Variants in ZFPM1 observed in about 807,000 individuals in gnomAD.
The protein encoded by ZFPM1 is zinc finger protein, FOG family member 1, also known as zinc finger protein ZFPM1.
In ZFPM1, 28 loss-of-function variants were observed where a neutral mutation model predicts 46.3. The ratio of observed to expected loss-of-function variants is 0.60; its 90% CI spans 0.45 to 0.83. ZFPM1 has a LOEUF of 0.83. ZFPM1 is among the 40% of genes least tolerant of loss of function. ZFPM1 has a pLI of 0.00. For synonymous variants in ZFPM1, 957 were observed against 675.9 expected (o/e 1.42, Z -6.45); for missense variants, 1,878 against 1,432.4 (o/e 1.31, Z -5.02).
chr16:88,519,766 T>G (rs1418373792), intron 4 of ZFPM1, among the ~76,000 whole-genome samples: 3 of 115,678 alleles, frequency 2.6e-5, no homozygotes, highest in Admixed American at 9.6e-5. Context: ...AGATGGATGG[T>G]GGGTGGATGG....
chr16:88,498,533 T>G (rs1342799289), intron 3 of ZFPM1, among the ~76,000 whole-genome samples: 1 of 152,200 alleles, frequency 6.6e-6, no homozygotes, highest in Non-Finnish European at 1.5e-5. Flanking sequence ...CTCCGGGATC[T>G]GCTCCTTGGT....
chr16:88,486,785 C>CT (rs1436455918), intron 2 of ZFPM1, among the ~76,000 whole-genome samples: 2 of 149,444 alleles, frequency 1.3e-5, no homozygotes, highest in Non-Finnish European at 3.0e-5. Flanking sequence ...CAAGTGGGTG[C>CT]TGGGTGCACA....
chr16:88,514,332 G>C, intron 3 of ZFPM1, 55 bp from the exon 4 acceptor site: 1 of 1,546,888 alleles, frequency 6.5e-7, no homozygotes, highest in Non-Finnish European at 8.7e-7. Context: ...AGCGGGAGGT[G>C]GGCTGGACAG....
rs1469510709 is a variant in ZFPM1, at chr16:88,528,146, C to A, written c.620C>A (p.Ala207Glu). The change falls in exon 6 of 10, where the codon GCA becomes GAA. Residue 207 changes from alanine to glutamate, a missense_variant. Coordinates refer to ENST00000319555, the MANE Select transcript of ZFPM1 (RefSeq NM_153813.3). ...GGCCACCCTGTGAAGAAGGAGCCAGCAGAGCCCACGTGCCCGGCCCCTGCA... is the reference window on the plus strand; with the variant it reads ...GGCCACCCTGTGAAGAAGGAGCCAGAAGAGCCCACGTGCCCGGCCCCTGCA... ...TPGHPVKKEP[A>E]EPTCPAPAHD... is the part of the protein sequence containing the mutation. 4 of 1,605,954 alleles carry A rather than the reference C, an allele frequency of 2.5e-6. No homozygotes were observed. The highest frequency in any genetic ancestry group is 3.4e-6 in the Non-Finnish European group (4 of 1,177,412).
intron 3 of ZFPM1, among the ~76,000 whole-genome samples, chr16:88,508,584 G>C (rs1274079912): frequency 6.6e-6 from 1 of 152,248 alleles, no homozygotes; most frequent in African/African-American, 2.4e-5. Flanking sequence ...GTGGCCTTCG[G>C]TGCCTGCCGT....
intron 1 of ZFPM1, among the ~76,000 whole-genome samples, chr16:88,454,238 G>C (rs1470163672): frequency 6.6e-6 from 1 of 152,152 alleles, no homozygotes; most frequent in Non-Finnish European, 1.5e-5. Flanking sequence ...ACCCCCACCG[G>C]TGCCGTCGCA....
chr16:88,528,675 C>T (rs1912541126), intron 6 of ZFPM1, among the ~76,000 whole-genome samples: 1 of 152,244 alleles, frequency 6.6e-6, no homozygotes, highest in Non-Finnish European at 1.5e-5. Context: ...GGCCCCGGCC[C>T]ACTAGGTGCT....
Position 88,533,233 on chromosome 16 carries a change from G to A in ZFPM1, c.1275G>A (p.Ser425=), listed in dbSNP as rs781107619. ...SADLGLAPTP[S]PGLDRKALAE... is the part of the protein sequence containing the mutation. ...ACCTGGGCCTGGCGCCCACCCCATC[G>A]CCAGGACTGGACAGAAAGGCCCTGG... The change falls in exon 10 of 10, where the codon TCG becomes TCA. Residue 425 remains serine (S), a synonymous_variant. Transcript: ENST00000319555. 4.9e-5 allele frequency: 77 copies of A among 1,561,750 alleles called. 1 individual carries two copies. In the South Asian group the frequency reaches 6.9e-4, roughly 14 times the overall value.
At chr16:88,463,416 G>A (rs973690601) in intron 1 of ZFPM1, among the ~76,000 whole-genome samples, 5 of 152,212 alleles carry the variant, frequency 3.3e-5, no homozygotes, top group African/African-American at 9.7e-5. Context: ...GCCCTCCCCC[G>A]GATGTGACCC....
chr16:88,453,031 C>A (rs925394577), upstream of ZFPM1, among the ~76,000 whole-genome samples: 1 of 145,608 alleles, frequency 6.9e-6, no homozygotes, highest in East Asian at 2.1e-4. Context: ...CGGACAGGGG[C>A]GGGGCCGCAG....
intron 3 of ZFPM1, among the ~76,000 whole-genome samples, chr16:88,498,310 G>A (rs937978970): frequency 3.3e-5 from 5 of 152,202 alleles, no homozygotes; most frequent in East Asian, 1.9e-4. Flanking sequence ...CCCCTTCCCC[G>A]GAGGTTTGCT....
chr16:88,534,996 C>T lies in ZFPM1; in HGVS notation c.*17C>T. The T allele has an allele frequency of 1.4e-6, 2 of 1,385,212 alleles. No individual in the cohort carries two copies. The highest frequency in any genetic ancestry group is 1.9e-6 in the Non-Finnish European group (2 of 1,056,676). 85.8% of individuals were successfully genotyped at this position (1,385,212 alleles called of 1,614,324 possible). ...GTGAAGTGAGCGCCCACACTACAGCCGCAGACGCTTTGCACGCCCCGCTGC... is the reference window on the plus strand; with the variant it reads ...GTGAAGTGAGCGCCCACACTACAGCTGCAGACGCTTTGCACGCCCCGCTGC... On this transcript the variant is annotated 3_prime_UTR_variant, in exon 10 of 10. Coordinates refer to ENST00000319555, the MANE Select transcript of ZFPM1 (RefSeq NM_153813.3).
At chr16:88,510,522 T>TC (rs1910897321) in intron 3 of ZFPM1, among the ~76,000 whole-genome samples, 1 of 152,256 alleles carries the variant, frequency 6.6e-6, no homozygotes, top group African/African-American at 2.4e-5. Context: ...TGAAATTGAA[T>TC]CCCAGCACAG....
At chr16:88,525,071 A>C (rs770987458) in intron 4 of ZFPM1, among the ~76,000 whole-genome samples, 1 of 152,240 alleles carries the variant, frequency 6.6e-6, no homozygotes, top group African/African-American at 2.4e-5. Flanking sequence ...GTAGTCACTG[A>C]ACGTCCCAGC....
At chr16:88,499,478 G>A (rs1050221528) in intron 3 of ZFPM1, among the ~76,000 whole-genome samples, 8 of 152,204 alleles carry the variant, frequency 5.3e-5, no homozygotes, top group Non-Finnish European at 7.3e-5. Context: ...GGGTGGGGCC[G>A]GCCCAGCTGA....
At chr16:88,452,080 G>A (rs138920391), upstream of ZFPM1, among the ~76,000 whole-genome samples, 1,002 of 152,146 alleles carry the variant, frequency 6.6e-3, 9 homozygotes, top group African/African-American at 0.021. Flanking sequence ...CAGGTGGGAG[G>A]GGTCCTTCCT....
rs1264449301 is a variant in ZFPM1, at chr16:88,480,845, C to G, written c.41-5094C>G. On this transcript the variant is annotated intron_variant, in intron 1 of 9. Coordinates refer to ENST00000319555, the MANE Select transcript of ZFPM1 (RefSeq NM_153813.3). This position sits in a 1 kb window ranked among gnomAD's most constrained non-coding sequence, Gnocchi z 4.9. ...ATGCCCCCCTCTCCTCAGCGACTGG[C>G]TCCAGCTTTCCGCAAGACAGTCGTT... Among the ~76,000 whole-genome samples, 1 of 152,246 alleles carries G rather than the reference C, an allele frequency of 6.6e-6. No homozygotes were observed. Among genetic ancestry groups the G allele is most frequent in the African/African-American group, 2.4e-5 (1 of 41,466 alleles).
At chr16:88,502,618 C>T (rs1567542121) in intron 3 of ZFPM1, among the ~76,000 whole-genome samples, 1 of 152,200 alleles carries the variant, frequency 6.6e-6, no homozygotes, top group Non-Finnish European at 1.5e-5. Flanking sequence ...TGGTGACCCC[C>T]CCTAGCCGAG....
At chr16:88,502,065 C>CATTCATTTATTT (rs1555525783) in intron 3 of ZFPM1, among the ~76,000 whole-genome samples, 38 of 72,940 alleles carry the variant, frequency 5.2e-4, no homozygotes, top group African/African-American at 1.9e-3. Context: ...CGCCCCCCCC[C>CATTCATTTATTT]ATTTATTTAT....
Sources: allele counts gnomAD v4.1 joint callset (sites outside exome capture counted in the v4.1 genomes callset), GRCh38; gene constraint gnomAD v4.1.1; non-coding constraint Gnocchi (gnomAD v3.1); transcripts MANE v1.5; gene names NCBI Gene and HGNC (gene_info 2026-07-23, HGNC 2026-07-21).